The following ATXN10 variants were observed in gnomAD, a reference collection of about 807,000 sequenced individuals.
ATXN10 encodes ataxin-10.
A neutral mutation model predicts 52.9 loss-of-function variants in ATXN10; 28 were observed. The ratio of observed to expected loss-of-function variants is 0.53; its 90% CI spans 0.39 to 0.73. ATXN10 has a LOEUF of 0.73. Among genes scored for constraint, ATXN10 ranks in the 30% least tolerant of loss-of-function variants. ATXN10 has a pLI of 0.00. For synonymous variants in ATXN10, 226 were observed against 221.5 expected (o/e 1.02, Z -0.18); for missense variants, 565 against 577.0 (o/e 0.98, Z 0.21).
At chr22:45,741,462 T>C (rs938213098) in intron 9 of ATXN10, among the ~76,000 whole-genome samples, 29 of 152,116 alleles carry the variant, frequency 1.9e-4, no homozygotes, top group Admixed American at 2.0e-4. Flanking sequence ...TGCGAGTTGC[T>C]GAATACACAT....
rs1467077664 is a variant in ATXN10 at position 45,712,065 on chromosome 22, A to G, written c.648-6348A>G. Among the ~76,000 whole-genome samples, 2 of 152,178 alleles carry G rather than the reference A, an allele frequency of 1.3e-5. No homozygotes were observed. The highest frequency in any genetic ancestry group is 4.8e-5 in the African/African-American group (2 of 41,444). Reference sequence around the variant, plus strand: ...TTGAGAAGTTTGGGAATTAGAAACAAAGAGGTAATAACCAGATGGATGTTT... The same window carrying G: ...TTGAGAAGTTTGGGAATTAGAAACAGAGAGGTAATAACCAGATGGATGTTT... On this transcript the variant is annotated intron_variant, in intron 5 of 11. Coordinates refer to ENST00000252934, the MANE Select transcript of ATXN10 (RefSeq NM_013236.4). The surrounding 1 kb of genome is among the most constrained non-coding windows in gnomAD (Gnocchi z 4.6).
At chr22:45,717,485 G>C (rs1013217169) in intron 5 of ATXN10, among the ~76,000 whole-genome samples, 2 of 152,142 alleles carry the variant, frequency 1.3e-5, no homozygotes, top group African/African-American at 2.4e-5. Context: ...TAGGAATACT[G>C]TTTGAGAATT....
In ATXN10 at chr22:45,708,855, G is replaced by C. The variant is rs1924136813; in HGVS notation, c.647+6008G>C. Among the ~76,000 whole-genome samples, 1 of 152,130 alleles carries C rather than the reference G, an allele frequency of 6.6e-6. No homozygotes were observed. The highest frequency in any genetic ancestry group is 2.4e-5 in the African/African-American group (1 of 41,432). On this transcript the variant is annotated intron_variant, in intron 5 of 11. Coordinates refer to ENST00000252934, the MANE Select transcript of ATXN10 (RefSeq NM_013236.4). The surrounding 1 kb of genome is among the most constrained non-coding windows in gnomAD (Gnocchi z 5.3). ...GGGGTTTCATCATGTCAGCCAGCCT[G>C]GTCTTGAACTCCTGACCTCAGGTGA...
chr22:45,776,870 T>C (rs888444258), intron 9 of ATXN10, among the ~76,000 whole-genome samples: 1 of 152,228 alleles, frequency 6.6e-6, no homozygotes, highest in Non-Finnish European at 1.5e-5. Context: ...CAAGAGTTTT[T>C]AAAAGTTTCT....
chr22:45,699,992 A>T (rs768814628), intron 3 of ATXN10, among the ~76,000 whole-genome samples: 11 of 151,086 alleles, frequency 7.3e-5, no homozygotes, highest in Non-Finnish European at 1.5e-4. Context: ...TTTTACTTTT[A>T]GTAGAGATGG....
Position 45,842,937 on chromosome 22 carries a change from G to C in ATXN10, c.1238-54G>C. On this transcript the variant is annotated intron_variant, in intron 10 of 11. Transcript: ENST00000252934. This position sits in a 1 kb window ranked among gnomAD's most constrained non-coding sequence, Gnocchi z 4.8. The stretch of plus-strand genomic sequence containing the variant: ...CTACTCCTTTTCTGATAATTCTTAT[G>C]TGAAGTTATCAAACAGGAAAGTACG... The C allele has an allele frequency of 6.4e-7, 1 of 1,552,764 alleles. No homozygotes were observed. Among genetic ancestry groups the C allele is most frequent in the Non-Finnish European group, 8.9e-7 (1 of 1,124,490 alleles).
rs1927708643 is a variant in ATXN10, at chr22:45,795,650, CAGA to C, written c.1174-11304_1174-11302del. Among the ~76,000 whole-genome samples, 1 of 152,104 alleles carries C rather than the reference CAGA, an allele frequency of 6.6e-6. No homozygotes were observed. The highest frequency in any genetic ancestry group is 2.1e-4 in the South Asian group (1 of 4,818). On this transcript the variant is annotated intron_variant, in intron 9 of 11. Transcript: ENST00000252934. This position sits in a 1 kb window ranked among gnomAD's most constrained non-coding sequence, Gnocchi z 4.6. Reference sequence around the variant, plus strand: ...ACGGAGGGACTGGCTGAAGCCATGGCAGAAGAACATAAATTGTTAAGATTTCAT... The same window carrying C: ...ACGGAGGGACTGGCTGAAGCCATGGCAGAACATAAATTGTTAAGATTTCAT...
intron 3 of ATXN10, 74 bp from the exon 4 acceptor site, chr22:45,700,208 A>G: frequency 2.8e-6 from 3 of 1,073,430 alleles, no homozygotes; most frequent in Admixed American, 2.2e-5. Flanking sequence ...AACATGGAGA[A>G]TATTTCTTAA....
At chr22:45,751,269 C>A (rs1925937398) in intron 9 of ATXN10, among the ~76,000 whole-genome samples, 1 of 152,142 alleles carries the variant, frequency 6.6e-6, no homozygotes, top group African/African-American at 2.4e-5. Flanking sequence ...CCTCTTAACC[C>A]TTCTTTGGCC....
chr22:45,795,595 G>T lies in ATXN10; in HGVS notation c.1174-11364G>T, dbSNP rs1280227126. Among the ~76,000 whole-genome samples the T allele has an allele frequency of 6.6e-6, 1 of 152,126 alleles. No homozygotes were observed. Among genetic ancestry groups the T allele is most frequent in the East Asian group, 1.9e-4 (1 of 5,186 alleles). On this transcript the variant is annotated intron_variant, in intron 9 of 11. Transcript: ENST00000252934. The surrounding 1 kb of genome is among the most constrained non-coding windows in gnomAD (Gnocchi z 4.6). ...AGCTAATTTTTGTATTTTTAGTAGA[G>T]ACGGTGTTTCGGGAAGTCAGGGACC... is the stretch of plus-strand genomic sequence containing the variant.
At position 45,772,400 on chromosome 22, in the gene ATXN10, G is replaced by T; in HGVS notation, c.1173+31862G>T. Among the ~76,000 whole-genome samples, 1 of 152,262 alleles carries T rather than the reference G, an allele frequency of 6.6e-6. No individual in the cohort carries two copies. The highest frequency in any genetic ancestry group is 6.5e-5 in the Admixed American group (1 of 15,296). ...CAAATGGCCCAATTTGTGTGGGTCT[G>T]TTTCCAGATATGCTATTTTGTTCGT... On this transcript the variant is annotated intron_variant, in intron 9 of 11. Transcript: ENST00000252934. The surrounding 1 kb of genome is among the most constrained non-coding windows in gnomAD (Gnocchi z 4.1).
chr22:45,801,207 A>G (rs1274190346), intron 9 of ATXN10, among the ~76,000 whole-genome samples: 2 of 152,190 alleles, frequency 1.3e-5, no homozygotes, highest in African/African-American at 4.8e-5. Flanking sequence ...GAGTTTGTCT[A>G]AAACACTGAT....
chr22:45,823,321 G>GAGGTCTGA lies in ATXN10; in HGVS notation c.1237+16300_1237+16307dup. 2.5e-6 allele frequency: 1 copy of GAGGTCTGA among 398,090 alleles called. No individual in the cohort carries two copies. Among genetic ancestry groups the GAGGTCTGA allele is most frequent in the Non-Finnish European group, 5.1e-6 (1 of 197,492 alleles). The allele number at this position is 398,090 out of a possible 1,614,324, so 24.7% of individuals were successfully genotyped here. ...TATGTTTAGTGATTTTTGTGTCTCT[G>GAGGTCTGA]AGGTCTGAGGTCATAAAAGTATGCT... On this transcript the variant is annotated intron_variant, in intron 10 of 11. Transcript: ENST00000252934. The surrounding 1 kb of genome is among the most constrained non-coding windows in gnomAD (Gnocchi z 4.9).
chr22:45,810,109 T>C (rs569708840), intron 10 of ATXN10, among the ~76,000 whole-genome samples: 2 of 152,334 alleles, frequency 1.3e-5, no homozygotes, highest in East Asian at 3.9e-4. Context: ...ACGGAGTGTG[T>C]TAGGATCTAT....
At chr22:45,817,552 T>C (rs1047409180) in intron 10 of ATXN10, among the ~76,000 whole-genome samples, 1 of 152,180 alleles carries the variant, frequency 6.6e-6, no homozygotes, top group African/African-American at 2.4e-5. Context: ...CTTGAACTCC[T>C]GACCTCAAGT....
chr22:45,680,793 T>C (rs1922890491), intron 1 of ATXN10, among the ~76,000 whole-genome samples: 1 of 152,090 alleles, frequency 6.6e-6, no homozygotes, highest in Non-Finnish European at 1.5e-5. Context: ...ATGAATCCTC[T>C]TCTGACTCCC....
At position 45,840,146 on chromosome 22, in the gene ATXN10, C is replaced by A. The variant is rs904366532; in HGVS notation, c.1238-2845C>A. Among the ~76,000 whole-genome samples, 1 of 152,160 alleles carries A rather than the reference C, an allele frequency of 6.6e-6. No individual in the cohort carries two copies. Among genetic ancestry groups the A allele is most frequent in the African/African-American group, 2.4e-5 (1 of 41,440 alleles). On this transcript the variant is annotated intron_variant, in intron 10 of 11. Transcript: ENST00000252934. The surrounding 1 kb of genome is among the most constrained non-coding windows in gnomAD (Gnocchi z 5.8). ...GTCCCAGCTATTCGGGAGGCTGAGGCAAGAGGATCACTTGAGCCTAGGCTT... is the reference window on the plus strand; with the variant it reads ...GTCCCAGCTATTCGGGAGGCTGAGGAAAGAGGATCACTTGAGCCTAGGCTT...
chr22:45,710,058 C>G (rs1163549095), intron 5 of ATXN10, among the ~76,000 whole-genome samples: 1 of 152,224 alleles, frequency 6.6e-6, no homozygotes, highest in Non-Finnish European at 1.5e-5. Flanking sequence ...CTTTTGCCCT[C>G]TGAATCATCA....
intron 1 of ATXN10, chr22:45,679,858 C>T (rs192438575): frequency 6.6e-6 from 1 of 152,282 alleles, no homozygotes; most frequent in East Asian, 1.9e-4. Context: ...TGTGAGCCAC[C>T]TCATACATTC....
Sources: gnomAD v4.1 joint callset for allele counts (sites outside exome capture counted in the v4.1 genomes callset) on GRCh38, gnomAD v4.1.1 for gene constraint, Gnocchi (gnomAD v3.1) non-coding constraint, MANE v1.5 for transcripts, NCBI Gene and HGNC (gene_info 2026-07-23, HGNC 2026-07-21) for gene names.